IL17RD: variants seen among roughly 807,000 people sequenced by gnomAD.
IL17RD encodes interleukin 17 receptor D.
IL17RD carries 52 observed loss-of-function variants against 80.5 expected under a neutral mutation model. That is an observed-to-expected ratio of 0.65 (90% CI 0.52 to 0.81). The LOEUF (loss-of-function observed/expected upper bound fraction) is 0.81, where lower values mean the gene tolerates loss of function less well. Ranked by LOEUF, IL17RD falls within the 40% of genes least tolerant of loss-of-function variation. The pLI, the probability that IL17RD is intolerant of heterozygous loss-of-function variation, is 0.00. For missense variants in IL17RD, 1,024 were observed against 955.1 expected (o/e 1.07, Z -0.95); for synonymous variants, 416 against 391.8 (o/e 1.06, Z -0.73).
intron 5 of IL17RD, among the ~76,000 whole-genome samples, chr3:57,108,800 G>C (rs1707025372): frequency 6.6e-6 from 1 of 151,900 alleles, no homozygotes; most frequent in African/African-American, 2.4e-5. Flanking sequence ...ACAGGCATGA[G>C]CCACCGCGCC....
At chr3:57,129,644 G>A (rs1468280430) in intron 1 of IL17RD, among the ~76,000 whole-genome samples, 3 of 152,128 alleles carry the variant, frequency 2.0e-5, no homozygotes, top group Admixed American at 6.5e-5. Context: ...CAAGCCCCAC[G>A]CACATTTCCT....
chr3:57,134,037 GATTA>G (rs1707667955), intron 1 of IL17RD: 1 of 353,612 alleles, frequency 2.8e-6, no homozygotes, highest in East Asian at 5.3e-5. Context: ...TAAAAGCAGT[GATTA>G]ATTCTTTTTT....
chr3:57,129,733 C>T (rs1169127304), intron 1 of IL17RD, among the ~76,000 whole-genome samples: 2 of 152,216 alleles, frequency 1.3e-5, no homozygotes, highest in African/African-American at 4.8e-5. Flanking sequence ...TATTACAGGA[C>T]ATGCTAGAAA....
intron 1 of IL17RD, among the ~76,000 whole-genome samples, chr3:57,161,087 A>G (rs2060301750): frequency 6.6e-6 from 1 of 152,230 alleles, no homozygotes. Context: ...CATGGGCCAG[A>G]AGAGTTCCCA....
chr3:57,107,098 G>C lies in IL17RD; in HGVS notation c.551-944C>G, dbSNP rs564372998. Among the ~76,000 whole-genome samples, 13 of 152,232 alleles carry C rather than the reference G, an allele frequency of 8.5e-5. No homozygotes were observed. In the South Asian group the frequency reaches 2.3e-3, roughly 27 times the overall value. ...GAATTTTATTTTAAGAATTATGAGG[G>C]CCGGGCGCGGTGGCTCATGCCTGTA... On this transcript the variant is annotated intron_variant, in intron 5 of 12. Transcript: ENST00000296318.
rs1706598347 is a variant in IL17RD at position 57,093,241 on chromosome 3, A to T, written c.*3152T>A. 3 of 152,246 alleles carry T rather than the reference A, an allele frequency of 2.0e-5. No homozygotes were observed. The highest frequency in any genetic ancestry group is 7.2e-5 in the African/African-American group (3 of 41,470). The allele number at this position is 152,246 out of a possible 1,614,324, so 9.4% of individuals were successfully genotyped here. A position where few individuals can be genotyped will look rare whatever the true frequency, so the allele number is the denominator to read the frequency against. ...ATAAGATCTGCTAAATAAGAGCAGT[A>T]GTAGTCTTCACCAATAGAAAATAAA... On this transcript the variant is annotated 3_prime_UTR_variant, in exon 13 of 13. Coordinates refer to ENST00000296318, the MANE Select transcript of IL17RD (RefSeq NM_017563.5).
intron 1 of IL17RD, among the ~76,000 whole-genome samples, chr3:57,149,886 CA>C (rs1411889906): frequency 6.6e-6 from 1 of 152,214 alleles, no homozygotes; most frequent in African/African-American, 2.4e-5. Flanking sequence ...TTCACCTGGG[CA>C]GCATATTTAT....
rs528297738 is a variant in IL17RD, at chr3:57,109,436, C to T, written c.550+101G>A. On this transcript the variant is annotated intron_variant, in intron 5 of 12. Coordinates refer to ENST00000296318, the MANE Select transcript of IL17RD (RefSeq NM_017563.5). ...CTGGGATTAGAGGTGTGAGCCACCG[C>T]GCCCGGCCTTGGCACGTTCTTGAAC... 4.8e-5 allele frequency: 65 copies of T among 1,346,686 alleles called. No homozygotes were observed. The African/African-American group carries it at 7.2e-4, about 15-fold the overall frequency. The allele number at this position is 1,346,686 out of a possible 1,614,324, so 83.4% of individuals were successfully genotyped here.
chr3:57,133,589 G>A (rs569999411), intron 1 of IL17RD, among the ~76,000 whole-genome samples: 47 of 152,172 alleles, frequency 3.1e-4, no homozygotes, highest in Non-Finnish European at 6.3e-4. Context: ...TGATGTCTTG[G>A]TCAATTTTAG....
chr3:57,140,684 A>T (rs542865122), intron 1 of IL17RD, among the ~76,000 whole-genome samples: 2 of 152,268 alleles, frequency 1.3e-5, no homozygotes, highest in South Asian at 4.2e-4. Flanking sequence ...TAGTGTAGAA[A>T]AGCTGAGGTG....
chr3:57,109,452 G>C, intron 5 of IL17RD, 85 bp downstream of exon 5: 1 of 1,497,876 alleles, frequency 6.7e-7, no homozygotes, highest in South Asian at 1.3e-5. Context: ...GCCTTGGCAC[G>C]TTCTTGAACA....
rs909401164 is a variant in IL17RD, at chr3:57,092,595, A to C, written c.*3798T>G. On this transcript the variant is annotated 3_prime_UTR_variant, in exon 13 of 13. Transcript: ENST00000296318. ...CAGAGCAAGACTCCATCTCAAAAAA[A>C]AAAAAATGAAATTGTTCCCAGCATT... 4 of 152,224 alleles carry C rather than the reference A, an allele frequency of 2.6e-5. No homozygotes were observed. The highest frequency in any genetic ancestry group is 4.4e-5 in the Non-Finnish European group (3 of 68,056). The allele number at this position is 152,224 out of a possible 1,614,324, so 9.4% of individuals were successfully genotyped here.
intron 5 of IL17RD, among the ~76,000 whole-genome samples, chr3:57,107,416 A>C (rs565317406): frequency 2.0e-5 from 3 of 152,284 alleles, no homozygotes; most frequent in Admixed American, 2.0e-4. Flanking sequence ...AATTGTTAAA[A>C]TAACTGCTGC....
upstream of IL17RD, among the ~76,000 whole-genome samples, chr3:57,168,582 C>T (rs964577176): frequency 1.3e-5 from 2 of 152,194 alleles, no homozygotes; most frequent in Non-Finnish European, 2.9e-5. Context: ...GCCACAGACA[C>T]CAAAGGGTCA....
intron 1 of IL17RD, 55 bp downstream of exon 1, chr3:57,165,106 G>T: frequency 6.9e-7 from 1 of 1,458,122 alleles, no homozygotes. Context: ...GCACCTGTGC[G>T]CGCTGCGTCC....
intron 1 of IL17RD, among the ~76,000 whole-genome samples, chr3:57,154,166 T>A (rs1163502354): frequency 7.3e-5 from 11 of 151,560 alleles, no homozygotes; most frequent in Non-Finnish European, 1.2e-4. Context: ...GGAGGATTGC[T>A]GGAGCCCAGG....
At chr3:57,119,524 A>C (rs1241285522) in intron 2 of IL17RD, among the ~76,000 whole-genome samples, 1 of 152,062 alleles carries the variant, frequency 6.6e-6, no homozygotes, top group Non-Finnish European at 1.5e-5. Flanking sequence ...GTGAGACTCT[A>C]TCTCAAAAAA....
chr3:57,155,119 A>G (rs1365302357), intron 1 of IL17RD, among the ~76,000 whole-genome samples: 2 of 152,232 alleles, frequency 1.3e-5, no homozygotes, highest in African/African-American at 2.4e-5. Flanking sequence ...CAGACCTTCA[A>G]GTGGCTTCAG....
upstream of IL17RD, among the ~76,000 whole-genome samples, chr3:57,166,303 C>T (rs572986992): frequency 2.6e-5 from 4 of 152,242 alleles, no homozygotes; most frequent in Admixed American, 1.3e-4. Flanking sequence ...TCCCCGTGTC[C>T]GATACATTTC....
Sources: allele counts gnomAD v4.1 joint callset (sites outside exome capture counted in the v4.1 genomes callset), GRCh38; gene constraint gnomAD v4.1.1; transcripts MANE v1.5; gene names NCBI Gene and HGNC (gene_info 2026-07-23, HGNC 2026-07-21).